Variants in PCDHB5 observed in about 807,000 individuals in gnomAD.
PCDHB5 encodes protocadherin beta 5.
For synonymous variants in PCDHB5, 569 were observed against 462.2 expected (o/e 1.23, Z -2.96); for missense variants, 1,125 against 1,029.4 (o/e 1.09, Z -1.27).
rs782570403 is a variant in PCDHB5, at chr5:141,137,046, C to G, written c.1612C>G (p.Pro538Ala). 3 of 1,611,758 alleles carry G rather than the reference C, an allele frequency of 1.9e-6. No individual in the cohort carries two copies. The highest frequency in any genetic ancestry group is 2.7e-5 in the African/African-American group (2 of 74,878). The change falls in exon 1 of 1, where the codon CCG becomes GCG. Residue 538 changes from proline to alanine, a missense_variant. Physicochemically the swap from Pro to Ala is conservative, Grantham distance 27 (BLOSUM62 -1). Coordinates refer to ENST00000231134, the MANE Select transcript of PCDHB5 (RefSeq NM_015669.5). ...FRVGATDRGS[P>A]ALSSEALVRV... The stretch of plus-strand genomic sequence containing the variant: ...CGTGGGAGCCACAGACCGCGGCTCC[C>G]CGGCGCTGAGCAGCGAGGCGCTGGT...
At position 141,136,207 on chromosome 5, in the gene PCDHB5, A is replaced by C. The variant is rs144602155; in HGVS notation, c.773A>C (p.Asn258Thr). ...EVQVPENSPLNSLVVVVSARD... is the reference protein window; with the variant it reads ...EVQVPENSPLTSLVVVVSARD... Reference sequence around the variant, plus strand: ...CAGGTGCCCGAGAACAGCCCCCTTAACTCCTTAGTTGTCGTTGTCTCCGCT... The same window carrying C: ...CAGGTGCCCGAGAACAGCCCCCTTACCTCCTTAGTTGTCGTTGTCTCCGCT... The change falls in exon 1 of 1, where the codon AAC becomes ACC. Residue 258 changes from asparagine (N) to threonine (T), a missense_variant. Physicochemically the swap from Asn to Thr is moderately conservative, Grantham distance 65 (BLOSUM62 0). Coordinates refer to ENST00000231134, the MANE Select transcript of PCDHB5 (RefSeq NM_015669.5). 8.7e-6 allele frequency: 14 copies of C among 1,613,858 alleles called. No homozygotes were observed. Among genetic ancestry groups the C allele is most frequent in the Non-Finnish European group, 1.2e-5 (14 of 1,179,940 alleles).
chr5:141,136,014 C>G lies in PCDHB5; in HGVS notation c.580C>G (p.Leu194Val). ...NRGDGRKYPE[L>V]VLDKALDREE... ...CGGAGATGGCAGAAAATACCCAGAGCTGGTGCTGGACAAAGCGCTGGACCG... is the reference window on the plus strand; with the variant it reads ...CGGAGATGGCAGAAAATACCCAGAGGTGGTGCTGGACAAAGCGCTGGACCG... The change falls in exon 1 of 1, where the codon CTG becomes GTG. Residue 194 changes from leucine to valine, a missense_variant. Leu to Val is a conservative substitution (Grantham distance 32). Transcript: ENST00000231134. 1 of 1,614,206 alleles carries G rather than the reference C, an allele frequency of 6.2e-7. No individual in the cohort carries two copies. Among genetic ancestry groups the G allele is most frequent in the Admixed American group, 1.7e-5 (1 of 60,032 alleles).
In PCDHB5 at chr5:141,137,710, G is replaced by C. The variant is rs1554276294; in HGVS notation, c.2276G>C (p.Gly759Ala). 1 of 1,614,142 alleles carries C rather than the reference G, an allele frequency of 6.2e-7. No homozygotes were observed. The highest frequency in any genetic ancestry group is 1.3e-5 in the African/African-American group (1 of 74,948). ...GAGGTGTGTTTGACCGGAGACTCAGGGGCCGGCGAGTTCAAGTTCCTGAAG... is the reference window on the plus strand; with the variant it reads ...GAGGTGTGTTTGACCGGAGACTCAGCGGCCGGCGAGTTCAAGTTCCTGAAG... Reference protein sequence around the residue: ...HYEVCLTGDSGAGEFKFLKPI... With the variant: ...HYEVCLTGDSAAGEFKFLKPI... The change falls in exon 1 of 1, where the codon GGG becomes GCG. Residue 759 changes from glycine (G) to alanine (A), a missense_variant. Coordinates refer to ENST00000231134, the MANE Select transcript of PCDHB5 (RefSeq NM_015669.5).
At position 141,137,384 on chromosome 5, in the gene PCDHB5, G is replaced by A. The variant is rs782680483; in HGVS notation, c.1950G>A (p.Pro650=). ...TGGTCAAGGACAATGGCGAGCCTCC[G>A]CGCTCGGCCACCGCCACGCTGCACG... ...VVLVKDNGEP[P]RSATATLHVL... The change falls in exon 1 of 1, where the codon CCG becomes CCA. Residue 650 remains proline (P), a synonymous_variant. Coordinates refer to ENST00000231134, the MANE Select transcript of PCDHB5 (RefSeq NM_015669.5). 12 of 1,609,346 alleles carry A rather than the reference G, an allele frequency of 7.5e-6. No individual in the cohort carries two copies. The highest frequency in any genetic ancestry group is 6.6e-5 in the South Asian group (6 of 90,890).
Position 141,135,300 on chromosome 5 carries a change from G to A in PCDHB5, c.-135G>A, listed in dbSNP as rs1310843543. The A allele has an allele frequency of 3.1e-6, 2 of 648,510 alleles. No homozygotes were observed. The highest frequency in any genetic ancestry group is 5.3e-6 in the Non-Finnish European group (2 of 378,956). 40.2% of individuals were successfully genotyped at this position (648,510 alleles called of 1,614,324 possible). ...AAGGACGCATTTTAGGTAAGATCTAGTGGCTAGATCTTCAGGGTGGGCTTC... is the reference window on the plus strand; with the variant it reads ...AAGGACGCATTTTAGGTAAGATCTAATGGCTAGATCTTCAGGGTGGGCTTC... On this transcript the variant is annotated 5_prime_UTR_variant, in exon 1 of 1. The change creates a new upstream start codon in the 5' untranslated region. Coordinates refer to ENST00000231134, the MANE Select transcript of PCDHB5 (RefSeq NM_015669.5).
chr5:141,136,819 A>G lies in PCDHB5; in HGVS notation c.1385A>G (p.Asn462Ser). Residue 462 changes from asparagine (N) to serine (S), a missense_variant, in exon 1 of 1, where the codon AAC (asparagine) becomes AGC (serine). By Grantham distance (46) the Asn-to-Ser change is conservative. Coordinates refer to ENST00000231134, the MANE Select transcript of PCDHB5 (RefSeq NM_015669.5). ...TCCTACACCCTGTTCGTCCGAGAGA[A>G]CAACAGCCCCGCCCTGCACATCGGC... ...QTSYTLFVRE[N>S]NSPALHIGSV... The G allele has an allele frequency of 1.9e-6, 3 of 1,613,476 alleles. No homozygotes were observed. Among genetic ancestry groups the G allele is most frequent in the Non-Finnish European group, 2.5e-6 (3 of 1,180,010 alleles).
chr5:141,137,830 G>A lies in PCDHB5; in HGVS notation c.*8G>A, dbSNP rs1554276323. 1.3e-6 allele frequency: 2 copies of A among 1,563,762 alleles called. No individual in the cohort carries two copies. On this transcript the variant is annotated 3_prime_UTR_variant, in exon 1 of 1. Coordinates refer to ENST00000231134, the MANE Select transcript of PCDHB5 (RefSeq NM_015669.5). ...AGCTTTGGATTAAATTAGAGATCTC[G>A]TGATGACGCGTTGTTTTCTGCCATT... is the stretch of plus-strand genomic sequence containing the variant.
At position 141,137,068 on chromosome 5, in the gene PCDHB5, T is replaced by C; in HGVS notation, c.1634T>C (p.Leu545Pro). 6.2e-7 allele frequency: 1 copy of C among 1,611,676 alleles called. No individual in the cohort carries two copies. Among genetic ancestry groups the C allele is most frequent in the Non-Finnish European group, 8.5e-7 (1 of 1,179,662 alleles). The part of the protein sequence containing the change: ...RGSPALSSEA[L>P]VRVLVLDAND... ...TCCCCGGCGCTGAGCAGCGAGGCGC[T>C]GGTGCGCGTGCTGGTGCTGGACGCC... The change falls in exon 1 of 1, where the codon CTG becomes CCG. Residue 545 changes from leucine (L) to proline (P), a missense_variant. Leu to Pro is a moderately conservative substitution (Grantham distance 98). Coordinates refer to ENST00000231134, the MANE Select transcript of PCDHB5 (RefSeq NM_015669.5).
At position 141,136,379 on chromosome 5, in the gene PCDHB5, C is replaced by A; in HGVS notation, c.945C>A (p.Asn315Lys). Residue 315 changes from asparagine to lysine, a missense_variant, in exon 1 of 1, where the codon AAC (asparagine) becomes AAA (lysine). Asn to Lys is a moderately conservative substitution (Grantham distance 94). Coordinates refer to ENST00000231134, the MANE Select transcript of PCDHB5 (RefSeq NM_015669.5). ...ATTTCGAGGCAACTCCATATTATAA[C>A]GTGGAAATTGTAGCCACAGATGGTG... ...ALDFEATPYY[N>K]VEIVATDGGG... 1.2e-6 allele frequency: 2 copies of A among 1,613,988 alleles called. No individual in the cohort carries two copies. The highest frequency in any genetic ancestry group is 1.7e-5 in the Admixed American group (1 of 60,016).
rs2149634603 is a variant in PCDHB5 at position 141,137,836 on chromosome 5, A to T, written c.*14A>T. The stretch of plus-strand genomic sequence containing the variant: ...GGATTAAATTAGAGATCTCGTGATG[A>T]CGCGTTGTTTTCTGCCATTTATCCC... On this transcript the variant is annotated 3_prime_UTR_variant, in exon 1 of 1. Transcript: ENST00000231134. The T allele has an allele frequency of 6.4e-7, 1 of 1,556,596 alleles. No homozygotes were observed. Among genetic ancestry groups the T allele is most frequent in the African/African-American group, 1.4e-5 (1 of 72,938 alleles).
Position 141,137,699 on chromosome 5 carries a change from C to CGGAG in PCDHB5, c.2266_2269dup (p.Asp757GlyfsTer17). 6.2e-7 allele frequency: 1 copy of CGGAG among 1,614,224 alleles called. No individual in the cohort carries two copies. Among genetic ancestry groups the CGGAG allele is most frequent in the Non-Finnish European group, 8.5e-7 (1 of 1,180,048 alleles). On this transcript the variant is annotated frameshift_variant, in exon 1 of 1. Coordinates refer to ENST00000231134, the MANE Select transcript of PCDHB5 (RefSeq NM_015669.5). LOFTEE classifies it low-confidence loss of function (END_TRUNC). ...GCTACCACTACGAGGTGTGTTTGAC[C>CGGAG]GGAGACTCAGGGGCCGGCGAGTTCA... is the stretch of plus-strand genomic sequence containing the variant.
Position 141,135,625 on chromosome 5 carries a change from C to T in PCDHB5, c.191C>T (p.Ala64Val), listed in dbSNP as rs572752280. 5.5e-5 allele frequency: 88 copies of T among 1,613,938 alleles called. 2 individuals carry two copies. The South Asian group carries it at 9.3e-4, about 17-fold the overall frequency. The change falls in exon 1 of 1, where the codon GCG becomes GTG. Residue 64 changes from alanine to valine, a missense_variant. Transcript: ENST00000231134. ...GTGGGGGAACTGGCCACTCGGGGCG[C>T]GCGAATGCATTACAAAGGAAACAAA... is the stretch of plus-strand genomic sequence containing the variant. ...LGVGELATRGARMHYKGNKEL... is the reference protein window; with the variant it reads ...LGVGELATRGVRMHYKGNKEL...
At position 141,136,760 on chromosome 5, in the gene PCDHB5, C is replaced by T; in HGVS notation, c.1326C>T (p.Asp442=). Residue 442 remains aspartate, a synonymous_variant, in exon 1 of 1, where the codon GAC becomes GAT. Transcript: ENST00000231134. ...TEHNITVLVS[D]VNDNAPAFTQ... is the part of the protein sequence containing the mutation. ...ACAACATAACGGTCCTGGTCTCCGA[C>T]GTCAATGACAACGCCCCCGCCTTCA... The T allele has an allele frequency of 2.5e-6, 4 of 1,614,008 alleles. No homozygotes were observed. Among genetic ancestry groups the T allele is most frequent in the Non-Finnish European group, 3.4e-6 (4 of 1,179,996 alleles).
Position 141,136,691 on chromosome 5 carries a change from C to G in PCDHB5, c.1257C>G (p.Thr419=). The change falls in exon 1 of 1, where the codon ACC becomes ACG. Residue 419 remains threonine, a synonymous_variant. Coordinates refer to ENST00000231134, the MANE Select transcript of PCDHB5 (RefSeq NM_015669.5). The part of the protein sequence containing the change: ...DRESQAEYNI[T]ITVTDMGTPR... The stretch of plus-strand genomic sequence containing the variant: ...AGAGCCAAGCCGAGTACAACATCAC[C>G]ATCACTGTCACCGACATGGGGACAC... 1 of 1,614,166 alleles carries G rather than the reference C, an allele frequency of 6.2e-7. No homozygotes were observed. Among genetic ancestry groups the G allele is most frequent in the East Asian group, 2.2e-5 (1 of 44,876 alleles).
Position 141,136,580 on chromosome 5 carries a change from C to T in PCDHB5, c.1146C>T (p.Cys382=), listed in dbSNP as rs141117837. Residue 382 remains cysteine (C), a synonymous_variant, in exon 1 of 1, where the codon TGC becomes TGT. Coordinates refer to ENST00000231134, the MANE Select transcript of PCDHB5 (RefSeq NM_015669.5). ...CCGGGGACAACGGTAGGATGATTTG[C>T]TCCATCCAGAATGATCTCCCCTTTC... ...PDSGDNGRMI[C]SIQNDLPFLL... The T allele has an allele frequency of 5.0e-6, 8 of 1,613,998 alleles. No individual in the cohort carries two copies. Among genetic ancestry groups the T allele is most frequent in the African/African-American group, 2.7e-5 (2 of 74,908 alleles).
At position 141,136,090 on chromosome 5, in the gene PCDHB5, C is replaced by T. The variant is rs988792099; in HGVS notation, c.656C>T (p.Ala219Val). Residue 219 changes from alanine to valine, a missense_variant, in exon 1 of 1, where the codon GCT (alanine) becomes GTT (valine). Coordinates refer to ENST00000231134, the MANE Select transcript of PCDHB5 (RefSeq NM_015669.5). ...SLTLTALDGG[A>V]PPRSGTTTIR... is the part of the protein sequence containing the mutation. ...ACACTCACTGCACTGGACGGTGGGG[C>T]TCCGCCCAGGTCCGGGACCACCACA... 6 of 1,614,046 alleles carry T rather than the reference C, an allele frequency of 3.7e-6. No homozygotes were observed. Among genetic ancestry groups the T allele is most frequent in the Admixed American group, 1.7e-5 (1 of 60,008 alleles).
Position 141,136,898 on chromosome 5 carries a change from G to C in PCDHB5, c.1464G>C (p.Ser488=), listed in dbSNP as rs1471629683. 3.1e-6 allele frequency: 5 copies of C among 1,612,506 alleles called. No individual in the cohort carries two copies. The highest frequency in any genetic ancestry group is 4.2e-6 in the Non-Finnish European group (5 of 1,180,026). The change falls in exon 1 of 1, where the codon TCG becomes TCC. Residue 488 remains serine (S), a synonymous_variant. Coordinates refer to ENST00000231134, the MANE Select transcript of PCDHB5 (RefSeq NM_015669.5). The part of the protein sequence containing the change: ...DSGTNAQVTY[S]LLPPQNPHLR... ...GCACCAACGCCCAGGTCACCTACTC[G>C]CTGCTGCCGCCCCAGAACCCACACC...
rs781867694 is a variant in PCDHB5 at position 141,136,169 on chromosome 5, A to G, written c.735A>G (p.Ser245=). 1 of 1,613,668 alleles carries G rather than the reference A, an allele frequency of 6.2e-7. No homozygotes were observed. Among genetic ancestry groups the G allele is most frequent in the Admixed American group, 1.7e-5 (1 of 59,984 alleles). The change falls in exon 1 of 1, where the codon TCA becomes TCG. Residue 245 remains serine, a synonymous_variant. Coordinates refer to ENST00000231134, the MANE Select transcript of PCDHB5 (RefSeq NM_015669.5). ...NNDNAPEFLQ[S]FYEVQVPENS... ...ACAACGCCCCCGAATTTTTACAATC[A>G]TTCTATGAGGTACAGGTGCCCGAGA...
chr5:141,137,608 C>A lies in PCDHB5; in HGVS notation c.2174C>A (p.Ser725Ter), dbSNP rs562030515. 1.9e-6 allele frequency: 3 copies of A among 1,613,436 alleles called. No homozygotes were observed. Among genetic ancestry groups the A allele is most frequent in the East Asian group, 4.5e-5 (2 of 44,870 alleles). ...AGGGCGGCCCCGGTCGGTCGCTGCTCGGTGCCCGAGGGCCCCTTTCCAGGG... is the reference window on the plus strand; with the variant it reads ...AGGGCGGCCCCGGTCGGTCGCTGCTAGGTGCCCGAGGGCCCCTTTCCAGGG... The part of the protein sequence containing the change: ...RSRAAPVGRC[S>*]VPEGPFPGHL... Residue 725 changes from serine (S) to a stop codon, truncating the protein, a stop_gained, in exon 1 of 1, where the codon TCG (serine) becomes TAG (stop). Coordinates refer to ENST00000231134, the MANE Select transcript of PCDHB5 (RefSeq NM_015669.5). LOFTEE classifies it low-confidence loss of function (END_TRUNC).
Sources: allele counts gnomAD v4.1 joint callset, GRCh38; gene constraint gnomAD v4.1.1; transcripts MANE v1.5; gene names NCBI Gene and HGNC (gene_info 2026-07-23, HGNC 2026-07-21).